VIT: variants seen among roughly 807,000 people sequenced by gnomAD.
VIT encodes vitrin.
Under a neutral mutation model 78.0 loss-of-function variants are expected in VIT, and 99 were observed. That is an observed-to-expected ratio of 1.27 (90% CI 1.08 to 1.50). VIT has a LOEUF of 1.50. Among genes scored for constraint, VIT ranks in the 40% most tolerant of loss-of-function variants. The pLI is 0.00. For synonymous variants in VIT, 374 were observed against 334.3 expected (o/e 1.12, Z -1.29); for missense variants, 1,126 against 875.3 (o/e 1.29, Z -3.61).
chr2:36,805,778 A>C, intron 14 of VIT, 114 bp downstream of exon 14: 2 of 1,136,280 alleles, frequency 1.8e-6, no homozygotes, highest in African/African-American at 3.1e-5. Flanking sequence ...GCTCATCTCT[A>C]GGCAGTAAGG....
chr2:36,707,284 G>A (rs1009168629), intron 1 of VIT, among the ~76,000 whole-genome samples: 11 of 152,208 alleles, frequency 7.2e-5, no homozygotes, highest in Admixed American at 3.3e-4. Flanking sequence ...TTGCCTGGCT[G>A]CCCTCCTCCC....
chr2:36,721,336 C>T (rs1666497410), intron 2 of VIT, among the ~76,000 whole-genome samples: 1 of 152,114 alleles, frequency 6.6e-6, no homozygotes, highest in African/African-American at 2.4e-5. Flanking sequence ...AGGAAGCTTG[C>T]GTTCACATAG....
At chr2:36,800,609 C>T (rs771952702) in intron 12 of VIT, among the ~76,000 whole-genome samples, 36 of 152,196 alleles carry the variant, frequency 2.4e-4, no homozygotes, top group Non-Finnish European at 4.7e-4. Context: ...ATCTTGGGTG[C>T]GATGCACACA....
chr2:36,781,687 T>A (rs778392363), intron 9 of VIT, 40 bp from the exon 10 acceptor site: 8 of 1,610,424 alleles, frequency 5.0e-6, no homozygotes, highest in Non-Finnish European at 6.8e-6. Context: ...CTGGTTTGGT[T>A]TAAGTAACAA....
chr2:36,755,955 A>ATTTTTTTTT lies in VIT; in HGVS notation c.409+912_409+920dup, dbSNP rs58344336. Among the ~76,000 whole-genome samples, 609 of 108,498 alleles carry ATTTTTTTTT rather than the reference A, an allele frequency of 5.6e-3. 9 individuals carry two copies. The highest frequency in any genetic ancestry group is 8.3e-3 in the Non-Finnish European group (467 of 56,350). The allele number at this position is 108,498 out of a possible 152,430, so 71.2% of individuals were successfully genotyped here. On this transcript the variant is annotated intron_variant, in intron 5 of 15. Coordinates refer to ENST00000379242, the MANE Select transcript of VIT (RefSeq NM_053276.4). ...CGGTAGTGCTTGAGGACAACACAGT[A>ATTTTTTTTT]TTTTTTTTTTTTTTTTTTTGAGACG...
At chr2:36,755,955 ATTTTTTTTTT>A (rs58344336) in intron 5 of VIT, among the ~76,000 whole-genome samples, 1 of 108,620 alleles carries the variant, frequency 9.2e-6, no homozygotes, top group Non-Finnish European at 1.8e-5. Flanking sequence ...ACAACACAGT[ATTTTTTTTTT>A]TTTTTTTTTG....
intron 12 of VIT, among the ~76,000 whole-genome samples, chr2:36,796,402 AG>A (rs1433627194): frequency 6.6e-6 from 1 of 152,218 alleles, no homozygotes; most frequent in Non-Finnish European, 1.5e-5. Flanking sequence ...GGAATGGCTC[AG>A]TACTTGCTAA....
At chr2:36,810,240 C>T (rs569102922) in intron 15 of VIT, among the ~76,000 whole-genome samples, 3 of 151,058 alleles carry the variant, frequency 2.0e-5, no homozygotes, top group South Asian at 2.1e-4. Context: ...GCTGGTGAGC[C>T]GAGATCGTGC....
At chr2:36,745,264 C>A (rs973942595) in intron 4 of VIT, among the ~76,000 whole-genome samples, 6 of 151,928 alleles carry the variant, frequency 3.9e-5, no homozygotes, top group African/African-American at 1.4e-4. Context: ...CAGCTTTTTT[C>A]TTTTTGCTTA....
At chr2:36,759,124 A>AT in intron 6 of VIT, 78 bp downstream of exon 6, 1 of 1,614,008 alleles carries the variant, frequency 6.2e-7, no homozygotes, top group Middle Eastern at 1.6e-4. Flanking sequence ...TAGCGGAGAA[A>AT]TTAACATCTT....
intron 3 of VIT, among the ~76,000 whole-genome samples, chr2:36,735,908 A>C (rs1187582536): frequency 2.0e-5 from 3 of 152,224 alleles, no homozygotes; most frequent in Admixed American, 6.5e-5. Context: ...GAGGTGGGAA[A>C]ACATGAGCCT....
At chr2:36,704,017 C>A (rs760374488) in intron 1 of VIT, among the ~76,000 whole-genome samples, 1 of 150,768 alleles carries the variant, frequency 6.6e-6, no homozygotes, top group Admixed American at 6.6e-5. Flanking sequence ...TTCTGCCTTC[C>A]GGTGTTTGAC....
Position 36,722,294 on chromosome 2 carries a change from C to A in VIT, c.52+5872C>A, listed in dbSNP as rs138272287. Among the ~76,000 whole-genome samples, 416 of 152,280 alleles carry A rather than the reference C, an allele frequency of 2.7e-3. 3 individuals carry two copies. Among genetic ancestry groups the A allele is most frequent in the African/African-American group, 9.7e-3 (402 of 41,546 alleles). On this transcript the variant is annotated intron_variant, in intron 2 of 15. Coordinates refer to ENST00000379242, the MANE Select transcript of VIT (RefSeq NM_053276.4). Reference sequence around the variant, plus strand: ...AGGCCGACACTGTAGCCAGCAAACTCGCATTCTGGTTCCAACTTCTTCCCC... The same window carrying A: ...AGGCCGACACTGTAGCCAGCAAACTAGCATTCTGGTTCCAACTTCTTCCCC...
chr2:36,715,687 G>A (rs946300561), intron 1 of VIT, among the ~76,000 whole-genome samples: 4 of 152,188 alleles, frequency 2.6e-5, no homozygotes, highest in African/African-American at 9.7e-5. Context: ...TTGGTCTGGG[G>A]TACAGCCTGG....
intron 2 of VIT, among the ~76,000 whole-genome samples, chr2:36,717,384 G>A: frequency 7.1e-6 from 1 of 141,208 alleles, no homozygotes; most frequent in African/African-American, 2.7e-5. Flanking sequence ...GTGTGTGTGT[G>A]TGTGTGTGTG....
At chr2:36,724,624 T>C (rs1666724104) in intron 2 of VIT, among the ~76,000 whole-genome samples, 1 of 152,120 alleles carries the variant, frequency 6.6e-6, no homozygotes, top group Admixed American at 6.5e-5. Flanking sequence ...GGAGCTTTAA[T>C]TATAATCACA....
intron 4 of VIT, among the ~76,000 whole-genome samples, chr2:36,745,709 G>A (rs1455186663): frequency 1.3e-5 from 2 of 152,118 alleles, no homozygotes; most frequent in East Asian, 3.9e-4. Flanking sequence ...GCCTTTTGGT[G>A]GAGTCTTTAG....
intron 6 of VIT, among the ~76,000 whole-genome samples, chr2:36,766,755 A>C (rs1669454004): frequency 6.6e-6 from 1 of 152,202 alleles, no homozygotes; most frequent in Non-Finnish European, 1.5e-5. Context: ...TCAGCAAAAA[A>C]CAAAAACAAA....
intron 12 of VIT, among the ~76,000 whole-genome samples, chr2:36,795,109 A>C (rs551328724): frequency 2.0e-5 from 3 of 152,208 alleles, no homozygotes; most frequent in Non-Finnish European, 2.9e-5. Context: ...AGGGATTGGA[A>C]GCTAGGAGAA....
Sources: gnomAD v4.1 joint callset for allele counts (sites outside exome capture counted in the v4.1 genomes callset) on GRCh38, gnomAD v4.1.1 for gene constraint, MANE v1.5 for transcripts, NCBI Gene and HGNC (gene_info 2026-07-23, HGNC 2026-07-21) for gene names.